The following GREM2 variants were observed in gnomAD, a reference collection of about 807,000 sequenced individuals.
The protein encoded by GREM2 is gremlin-2.
Under a neutral mutation model 14.2 loss-of-function variants are expected in GREM2, and 11 were observed. The ratio of observed to expected loss-of-function variants is 0.78; its 90% CI spans 0.49 to 1.28. GREM2 has a LOEUF of 1.28. Ranked by LOEUF, GREM2 falls within the 50% of genes most tolerant of loss-of-function variation. The pLI, the probability that GREM2 is intolerant of heterozygous loss-of-function variation, is 0.00. For synonymous variants in GREM2, 98 were observed against 97.6 expected (o/e 1.00, Z -0.02); for missense variants, 210 against 218.5 (o/e 0.96, Z 0.24).
At chr1:240,508,470 A>G (rs145120306) in intron 1 of GREM2, among the ~76,000 whole-genome samples, 1 of 152,326 alleles carries the variant, frequency 6.6e-6, no homozygotes, top group East Asian at 1.9e-4. Context: ...TTTCGTGTCC[A>G]TTCTGCCTTT....
intron 1 of GREM2, among the ~76,000 whole-genome samples, chr1:240,536,731 CA>C (rs1198504251): frequency 8.0e-6 from 1 of 125,538 alleles, no homozygotes; most frequent in Non-Finnish European, 1.8e-5. Flanking sequence ...GAGTTTAAGA[CA>C]AAATGGCAGT....
At chr1:240,560,728 C>T (rs1679021646) in intron 1 of GREM2, among the ~76,000 whole-genome samples, 1 of 152,194 alleles carries the variant, frequency 6.6e-6, no homozygotes, top group African/African-American at 2.4e-5. Flanking sequence ...TAATGGCTTA[C>T]AGAATGAAAT....
intron 1 of GREM2, among the ~76,000 whole-genome samples, chr1:240,529,952 A>T (rs1678315322): frequency 6.6e-6 from 1 of 152,202 alleles, no homozygotes; most frequent in South Asian, 2.1e-4. Context: ...GACACCGGTT[A>T]TCCTGAAATT....
At chr1:240,517,120 AC>A (rs1276692914) in intron 1 of GREM2, among the ~76,000 whole-genome samples, 3 of 152,354 alleles carry the variant, frequency 2.0e-5, no homozygotes, top group African/African-American at 7.2e-5. Flanking sequence ...GTCCAAAAAA[AC>A]AAAACAAAAC....
chr1:240,562,928 A>ATG (rs1311927604), intron 1 of GREM2, among the ~76,000 whole-genome samples: 2 of 137,192 alleles, frequency 1.5e-5, no homozygotes, highest in Non-Finnish European at 3.1e-5. Context: ...GTGTATGTGT[A>ATG]TGTGTGTGAG....
chr1:240,509,411 C>G (rs1677753275), intron 1 of GREM2, among the ~76,000 whole-genome samples: 1 of 147,422 alleles, frequency 6.8e-6, no homozygotes, highest in Non-Finnish European at 1.5e-5. Context: ...TCTTGTTGCC[C>G]AGGCTGGAGT....
intron 1 of GREM2, among the ~76,000 whole-genome samples, chr1:240,610,995 T>A (rs903370860): frequency 6.6e-6 from 1 of 151,690 alleles, no homozygotes; most frequent in African/African-American, 2.4e-5. Context: ...GGGAGTTATA[T>A]AACTATCTTT....
At chr1:240,493,657 C>T (rs1677326077) in intron 1 of GREM2, among the ~76,000 whole-genome samples, 181 bp from the exon 2 acceptor site, 1 of 152,106 alleles carries the variant, frequency 6.6e-6, no homozygotes, top group African/African-American at 2.4e-5. Flanking sequence ...TCCTGTGTGG[C>T]TAGAACTACA....
intron 1 of GREM2, among the ~76,000 whole-genome samples, chr1:240,549,112 G>A (rs911741575): frequency 1.3e-5 from 2 of 152,114 alleles, no homozygotes; most frequent in African/African-American, 4.8e-5. Flanking sequence ...AAGGCGGGTG[G>A]ATCACCTGAG....
intron 1 of GREM2, among the ~76,000 whole-genome samples, chr1:240,602,736 A>T (rs768573596): frequency 3.8e-4 from 58 of 151,882 alleles, no homozygotes; most frequent in Non-Finnish European, 6.6e-4. Context: ...AATTGCTTGA[A>T]CCCAGGAGGC....
chr1:240,589,587 G>T (rs773748977), intron 1 of GREM2, among the ~76,000 whole-genome samples: 1 of 151,938 alleles, frequency 6.6e-6, no homozygotes, highest in Non-Finnish European at 1.5e-5. Flanking sequence ...GTACCTAAGG[G>T]TGCCTTGTTC....
intron 1 of GREM2, among the ~76,000 whole-genome samples, chr1:240,609,549 G>A (rs1285076516): frequency 7.2e-5 from 11 of 152,042 alleles, no homozygotes; most frequent in African/African-American, 2.4e-5. Flanking sequence ...TGTCTTGTGT[G>A]ACCCATTTAA....
At chr1:240,513,365 A>C (rs1167283496) in intron 1 of GREM2, among the ~76,000 whole-genome samples, 1 of 152,016 alleles carries the variant, frequency 6.6e-6, no homozygotes, top group East Asian at 1.9e-4. Flanking sequence ...TCGCGAGGTC[A>C]AGAGATCGAG....
chr1:240,611,565 T>C (rs1571958791), intron 1 of GREM2, among the ~76,000 whole-genome samples: 1 of 152,182 alleles, frequency 6.6e-6, no homozygotes, highest in Non-Finnish European at 1.5e-5. Flanking sequence ...AGAATGGCGG[T>C]CACCAAGAGG....
At chr1:240,574,527 G>A (rs1431597524) in intron 1 of GREM2, among the ~76,000 whole-genome samples, 1 of 152,118 alleles carries the variant, frequency 6.6e-6, no homozygotes, top group East Asian at 1.9e-4. Flanking sequence ...ATAAAAGTAA[G>A]GAGAAATGTT....
chr1:240,602,520 G>A (rs536719092), intron 1 of GREM2, among the ~76,000 whole-genome samples: 20 of 152,212 alleles, frequency 1.3e-4, no homozygotes, highest in South Asian at 6.2e-4. Context: ...AGCTCACATC[G>A]TAGCAGAAGA....
chr1:240,528,997 G>A (rs186817650), intron 1 of GREM2, among the ~76,000 whole-genome samples: 6 of 152,158 alleles, frequency 3.9e-5, no homozygotes, highest in Admixed American at 3.9e-4. Flanking sequence ...CCCTAAGGTG[G>A]AACACGATCA....
chr1:240,571,970 C>T lies in GREM2; in HGVS notation c.-2+39914G>A, dbSNP rs575698188. ...TCTGACTGCCAGGACCAGCCACCTA[C>T]GTCAGCATGACCACTTGGAATTGGC... is the stretch of plus-strand genomic sequence containing the variant. On this transcript the variant is annotated intron_variant, in intron 1 of 1. Transcript: ENST00000318160. 6.4e-4 allele frequency among the ~76,000 whole-genome samples: 97 copies of T among 152,124 alleles called. 1 individual carries two copies. The highest frequency in any genetic ancestry group is 6.8e-4 in the Non-Finnish European group (46 of 68,028).
chr1:240,521,748 GC>G (rs1678103946), intron 1 of GREM2, among the ~76,000 whole-genome samples: 1 of 152,018 alleles, frequency 6.6e-6, no homozygotes, highest in African/African-American at 2.4e-5. Context: ...TACCTGTAAG[GC>G]CACCAACATT....
Sources: gnomAD v4.1 joint callset for allele counts (sites outside exome capture counted in the v4.1 genomes callset) on GRCh38, gnomAD v4.1.1 for gene constraint, MANE v1.5 for transcripts, NCBI Gene and HGNC (gene_info 2026-07-23, HGNC 2026-07-21) for gene names.